The following ANKHD1 variants were observed in gnomAD, a reference collection of about 807,000 sequenced individuals.
ANKHD1 encodes the protein ankyrin repeat and KH domain-containing protein 1.
In ANKHD1, 31 loss-of-function variants were observed where a neutral mutation model predicts 230.5. The observed-to-expected ratio is 0.13, with a 90% CI of 0.10 to 0.18. The LOEUF (loss-of-function observed/expected upper bound fraction) is 0.18, where lower values mean the gene tolerates loss of function less well. Among genes scored for constraint, ANKHD1 ranks in the 10% least tolerant of loss-of-function variants. The pLI, the probability that ANKHD1 is intolerant of heterozygous loss-of-function variation, is 1.00. For missense variants in ANKHD1, 2,256 were observed against 3,071.3 expected, an observed-to-expected ratio of 0.73 and a Z score of 6.27; for synonymous variants, 1,074 against 1,117.6, an observed-to-expected ratio of 0.96 and a Z score of 0.78.
In ANKHD1 at chr5:140,510,134, G is replaced by C; in HGVS notation, c.4057G>C (p.Ala1353Pro). The C allele has an allele frequency of 1.9e-6, 3 of 1,613,476 alleles. No individual in the cohort carries two copies. Among genetic ancestry groups the C allele is most frequent in the Non-Finnish European group, 2.5e-6 (3 of 1,179,606 alleles). The change falls in exon 22 of 34, where the codon GCA becomes CCA. Residue 1353 changes from alanine to proline, a missense_variant. By Grantham distance (27) the Ala-to-Pro change is conservative (BLOSUM62 -1). Transcript: ENST00000360839. ...AGTGCAAGCAGGTGCTGATGTGGAT[G>C]CAGCAGATAACCGGAAAATCACACC... ...LLVQAGADVD[A>P]ADNRKITPLM... is the part of the protein sequence containing the mutation.
chr5:140,519,333 C>T (rs1035652416), intron 24 of ANKHD1, among the ~76,000 whole-genome samples: 2 of 152,160 alleles, frequency 1.3e-5, no homozygotes, highest in East Asian at 3.8e-4. Flanking sequence ...GAATCAGTAT[C>T]GTGAAAATGG....
At chr5:140,453,341 C>G (rs1257537682) in intron 7 of ANKHD1, among the ~76,000 whole-genome samples, 3 of 152,092 alleles carry the variant, frequency 2.0e-5, no homozygotes, top group African/African-American at 7.2e-5. Flanking sequence ...GGCCAACATT[C>G]AAATTCAGGA....
chr5:140,512,280 CT>C (rs1752806836), intron 22 of ANKHD1, among the ~76,000 whole-genome samples: 1 of 151,358 alleles, frequency 6.6e-6, no homozygotes, highest in African/African-American at 2.4e-5. Flanking sequence ...GATTACAGAT[CT>C]TTCAACCCTT....
At chr5:140,438,745 A>G in intron 3 of ANKHD1, 128 bp downstream of exon 3, 1 of 1,259,004 alleles carries the variant, frequency 7.9e-7, no homozygotes, top group South Asian at 1.9e-5. Context: ...TTACATTTTA[A>G]GTGGATATAT....
intron 24 of ANKHD1, among the ~76,000 whole-genome samples, chr5:140,522,598 T>A (rs991854933): frequency 6.6e-6 from 1 of 152,214 alleles, no homozygotes; most frequent in Non-Finnish European, 1.5e-5. Context: ...TTGATCATGA[T>A]GTTTTTTCTT....
At chr5:140,522,564 CTT>C (rs72320468) in intron 24 of ANKHD1, among the ~76,000 whole-genome samples, 1,866 of 152,280 alleles carry the variant, frequency 0.012, 43 homozygotes, top group African/African-American at 0.043. Context: ...TAAGCTATCT[CTT>C]GCATTCCTAG....
chr5:140,490,388 C>A lies in ANKHD1; in HGVS notation c.2245+3328C>A, dbSNP rs370693658. ...TACTCAGATATTCTTTTCTTTCATG[C>A]CCCATGTGTACCATTTGTACAGGCT... On this transcript the variant is annotated intron_variant, in intron 14 of 33. Coordinates refer to ENST00000360839, the MANE Select transcript of ANKHD1 (RefSeq NM_017747.3). 1.6e-4 allele frequency among the ~76,000 whole-genome samples: 25 copies of A among 152,228 alleles called. 1 individual carries two copies. The East Asian group carries it at 3.3e-3, about 20-fold the overall frequency.
intron 15 of ANKHD1, among the ~76,000 whole-genome samples, chr5:140,503,185 T>C (rs2127048101): frequency 6.6e-6 from 1 of 152,332 alleles, no homozygotes; most frequent in East Asian, 1.9e-4. Flanking sequence ...TTTGACTGAC[T>C]TTTAATCTGG....
rs1752543485 is a variant in ANKHD1 at position 140,506,545 on chromosome 5, G to A, written c.3409-290G>A. Among the ~76,000 whole-genome samples, 2 of 152,156 alleles carry A rather than the reference G, an allele frequency of 1.3e-5. No homozygotes were observed. Among genetic ancestry groups the A allele is most frequent in the African/African-American group, 4.8e-5 (2 of 41,440 alleles). The stretch of plus-strand genomic sequence containing the variant: ...ATCCTTACATTTATTCGGATTGAAT[G>A]AATCACAATTCTAACACATATGAAG... On this transcript the variant is annotated intron_variant, in intron 18 of 33. Transcript: ENST00000360839. The surrounding 1 kb of genome is among the most constrained non-coding windows in gnomAD (Gnocchi z 4.7).
chr5:140,535,671 A>G, intron 30 of ANKHD1, 133 bp downstream of exon 30: 6 of 1,220,380 alleles, frequency 4.9e-6, no homozygotes, highest in Non-Finnish European at 6.3e-6. Flanking sequence ...TTCTGTGGTC[A>G]TGTGAAAAAA....
chr5:140,522,965 A>T (rs1002106809), intron 24 of ANKHD1, among the ~76,000 whole-genome samples: 5 of 151,110 alleles, frequency 3.3e-5, no homozygotes, highest in Non-Finnish European at 7.4e-5. Flanking sequence ...TCATTTGTAT[A>T]TTTTCTTTGG....
chr5:140,412,891 G>A (rs371126779), intron 1 of ANKHD1, among the ~76,000 whole-genome samples: 1 of 152,282 alleles, frequency 6.6e-6, no homozygotes, highest in East Asian at 1.9e-4. Context: ...CTGAAATTTA[G>A]CAACTATTTG....
At chr5:140,476,025 A>G (rs1750946720) in intron 10 of ANKHD1, among the ~76,000 whole-genome samples, 1 of 152,242 alleles carries the variant, frequency 6.6e-6, no homozygotes, top group Non-Finnish European at 1.5e-5. Flanking sequence ...GTGAGATAAT[A>G]AAGCAAAAGC....
chr5:140,487,055 A>T lies in ANKHD1; in HGVS notation c.2240A>T (p.Gln747Leu). Residue 747 changes from glutamine to leucine, a missense_variant, in exon 14 of 34, where the codon CAA becomes CTA. Physicochemically the swap from Gln to Leu is moderately radical, Grantham distance 113. This residue lies in a region of ANKHD1 where 358 missense variants were observed against 397.7 expected (regional missense o/e 0.90). Coordinates refer to ENST00000360839, the MANE Select transcript of ANKHD1 (RefSeq NM_017747.3). ...QENSPALLGV[Q>L]KGTSKQKSSS... ...AACTCTCCTGCCCTTTTAGGAGTGCAAAAAGGTTAGTTATTGAATTATTTT... is the reference window on the plus strand; with the variant it reads ...AACTCTCCTGCCCTTTTAGGAGTGCTAAAAGGTTAGTTATTGAATTATTTT... 1 of 1,607,944 alleles carries T rather than the reference A, an allele frequency of 6.2e-7. No homozygotes were observed. The highest frequency in any genetic ancestry group is 8.5e-7 in the Non-Finnish European group (1 of 1,177,668).
intron 1 of ANKHD1, among the ~76,000 whole-genome samples, chr5:140,406,444 A>AATATAAAG (rs1334873088): frequency 6.6e-6 from 1 of 152,104 alleles, no homozygotes; most frequent in Non-Finnish European, 1.5e-5. Flanking sequence ...TAGACCCTCT[A>AATATAAAG]AGGACCTCTT....
intron 15 of ANKHD1, among the ~76,000 whole-genome samples, chr5:140,501,639 A>G (rs925277874): frequency 5.9e-5 from 9 of 151,896 alleles, no homozygotes; most frequent in Admixed American, 3.9e-4. Flanking sequence ...AATCCCAGCT[A>G]CTCGGGAGGC....
intron 22 of ANKHD1, 151 bp from the exon 23 acceptor site, chr5:140,512,677 A>C: frequency 3.6e-6 from 2 of 556,132 alleles, no homozygotes; most frequent in Non-Finnish European, 6.2e-6. Context: ...TTCTATTTGG[A>C]AGTATTTGCC....
chr5:140,495,508 G>T (rs1255366489), intron 14 of ANKHD1, among the ~76,000 whole-genome samples: 1 of 152,110 alleles, frequency 6.6e-6, no homozygotes, highest in Non-Finnish European at 1.5e-5. Context: ...GCCTCCCAAA[G>T]TGCTAGGATT....
chr5:140,459,294 A>G lies in ANKHD1; in HGVS notation c.1611A>G (p.Thr537=), dbSNP rs1369599490. The change falls in exon 9 of 34, where the codon ACA becomes ACG. Residue 537 remains threonine, a synonymous_variant. Transcript: ENST00000360839. ...AGADIELGCS[T]PLMEASQEGH... ...CTGATATAGAACTTGGCTGCTCCACACCTCTGATGGAGGCATCTCAGGAGG... is the reference window on the plus strand; with the variant it reads ...CTGATATAGAACTTGGCTGCTCCACGCCTCTGATGGAGGCATCTCAGGAGG... 2 of 1,595,542 alleles carry G rather than the reference A, an allele frequency of 1.3e-6. No homozygotes were observed. Among genetic ancestry groups the G allele is most frequent in the Middle Eastern group, 1.7e-4 (1 of 5,968 alleles).
Sources: gnomAD v4.1 joint callset for allele counts (sites outside exome capture counted in the v4.1 genomes callset) on GRCh38, gnomAD v4.1.1 for gene constraint, gnomAD v4.1.1 regional missense constraint, Gnocchi (gnomAD v3.1) non-coding constraint, MANE v1.5 for transcripts, NCBI Gene and HGNC (gene_info 2026-07-23, HGNC 2026-07-21) for gene names.